Variants in DTWD2 observed in about 807,000 individuals in gnomAD.
DTWD2 encodes the protein tRNA-uridine aminocarboxypropyltransferase 2.
In DTWD2, 39 loss-of-function variants were observed where a neutral mutation model predicts 31.8. That is an observed-to-expected ratio of 1.22 (90% CI 0.95 to 1.60). The LOEUF is 1.60. DTWD2 is among the 40% of genes most tolerant of loss of function. The pLI, the probability that DTWD2 is intolerant of heterozygous loss-of-function variation, is 0.00. For missense variants in DTWD2, 515 were observed against 381.5 expected (o/e 1.35, Z -2.92); for synonymous variants, 180 against 142.8 (o/e 1.26, Z -1.86).
intron 4 of DTWD2, among the ~76,000 whole-genome samples, chr5:118,887,211 C>T (rs796911688): frequency 5.9e-5 from 9 of 152,146 alleles, no homozygotes; most frequent in African/African-American, 1.4e-4. Context: ...ATTTAAAATT[C>T]GTGATAAAAA....
chr5:118,974,964 C>T (rs1053306323), intron 1 of DTWD2, among the ~76,000 whole-genome samples: 1 of 152,092 alleles, frequency 6.6e-6, no homozygotes, highest in African/African-American at 2.4e-5. Context: ...ACATTTTTTC[C>T]TTCATTTCAA....
intron 1 of DTWD2, among the ~76,000 whole-genome samples, chr5:118,972,021 T>C (rs1754998535): frequency 6.6e-6 from 1 of 152,014 alleles, no homozygotes; most frequent in African/African-American, 2.4e-5. Flanking sequence ...AAAAAGCTAG[T>C]AAGATCTCAA....
chr5:118,937,408 C>G (rs1159715270), intron 3 of DTWD2, among the ~76,000 whole-genome samples: 4 of 149,778 alleles, frequency 2.7e-5, no homozygotes, highest in Non-Finnish European at 5.9e-5. Context: ...AACCATAAAA[C>G]TATTGTTATA....
At chr5:118,860,957 G>C (rs1475642134) in intron 4 of DTWD2, among the ~76,000 whole-genome samples, 1 of 151,910 alleles carries the variant, frequency 6.6e-6, no homozygotes, top group Non-Finnish European at 1.5e-5. Context: ...TCCATTTTGG[G>C]GTAAGCTAAG....
intron 1 of DTWD2, among the ~76,000 whole-genome samples, chr5:118,985,313 C>A (rs1425382847): frequency 6.6e-6 from 1 of 151,850 alleles, no homozygotes; most frequent in Non-Finnish European, 1.5e-5. Context: ...GTCCTTCAGT[C>A]TCAGCTTACA....
chr5:118,914,987 G>A (rs2149572427), intron 4 of DTWD2, among the ~76,000 whole-genome samples: 1 of 152,282 alleles, frequency 6.6e-6, no homozygotes, highest in South Asian at 2.1e-4. Context: ...AGCACTGTGG[G>A]AGGCTAAGGT....
At chr5:118,960,240 C>CA (rs915881098) in intron 1 of DTWD2, among the ~76,000 whole-genome samples, 11 of 150,884 alleles carry the variant, frequency 7.3e-5, no homozygotes, top group South Asian at 6.3e-4. Context: ...AATCTACAAG[C>CA]AAAAAAAACC....
chr5:118,933,711 T>C (rs114138532), intron 3 of DTWD2, among the ~76,000 whole-genome samples: 11,774 of 152,060 alleles, frequency 0.077, 905 homozygotes, highest in African/African-American at 0.2. Flanking sequence ...AATTGTTCTC[T>C]AAGACTGAGA....
At chr5:118,872,436 A>C (rs1752526222) in intron 4 of DTWD2, among the ~76,000 whole-genome samples, 1 of 152,128 alleles carries the variant, frequency 6.6e-6, no homozygotes. Context: ...GTGACATGTG[A>C]CTCTTCCTTT....
At chr5:118,893,406 CGTGT>C (rs528403320) in intron 4 of DTWD2, among the ~76,000 whole-genome samples, 1 of 143,280 alleles carries the variant, frequency 7.0e-6, no homozygotes. Flanking sequence ...TAAATGTATA[CGTGT>C]GTGTGTGTGT....
intron 4 of DTWD2, among the ~76,000 whole-genome samples, chr5:118,916,415 C>CA (rs745337305): frequency 3.9e-5 from 6 of 152,122 alleles, no homozygotes; most frequent in Non-Finnish European, 5.9e-5. Context: ...TCTGTGATCC[C>CA]AGCACTTTGG....
intron 4 of DTWD2, among the ~76,000 whole-genome samples, chr5:118,898,369 AT>A (rs1021423890): frequency 3.3e-5 from 5 of 152,084 alleles, no homozygotes; most frequent in African/African-American, 1.2e-4. Context: ...GAGAAGATAA[AT>A]TTTATGGCCG....
intron 1 of DTWD2, among the ~76,000 whole-genome samples, chr5:118,965,282 C>A (rs1263412059): frequency 6.6e-6 from 1 of 151,160 alleles, no homozygotes; most frequent in Non-Finnish European, 1.5e-5. Context: ...AGCCCCCGCC[C>A]GGCCAGCCTC....
At position 118,987,135 on chromosome 5, in the gene DTWD2, T is replaced by C. The variant is rs75595303; in HGVS notation, c.218+1159A>G. 2.6e-3 allele frequency among the ~76,000 whole-genome samples: 399 copies of C among 152,284 alleles called. 3 individuals are homozygous for C. The highest frequency in any genetic ancestry group is 8.2e-3 in the African/African-American group (342 of 41,560). On this transcript the variant is annotated intron_variant, in intron 1 of 5. Coordinates refer to ENST00000510708, the MANE Select transcript of DTWD2 (RefSeq NM_173666.4). ...TATATTTGAAACACTTTTCCTCCAG[T>C]ATCCTATTGAGACCCCTCCAAACAT...
At chr5:118,912,963 A>C (rs1035291813) in intron 4 of DTWD2, among the ~76,000 whole-genome samples, 18 of 152,330 alleles carry the variant, frequency 1.2e-4, no homozygotes, top group Admixed American at 8.5e-4. Flanking sequence ...AATTTGATCC[A>C]CAACGAAAGT....
intron 5 of DTWD2, among the ~76,000 whole-genome samples, chr5:118,844,768 T>G (rs1165708450): frequency 6.6e-6 from 1 of 152,146 alleles, no homozygotes; most frequent in Non-Finnish European, 1.5e-5. Context: ...GACAACAGAT[T>G]AACAAAGCTA....
chr5:118,971,165 T>A (rs773025418), intron 1 of DTWD2, among the ~76,000 whole-genome samples: 2 of 152,174 alleles, frequency 1.3e-5, no homozygotes, highest in African/African-American at 4.8e-5. Context: ...ATGGCCTAAA[T>A]GCCCTAACTA....
chr5:118,854,335 A>C (rs1752081694), intron 4 of DTWD2, among the ~76,000 whole-genome samples: 2 of 152,052 alleles, frequency 1.3e-5, no homozygotes, highest in South Asian at 4.1e-4. Context: ...TTTTTTAATA[A>C]TGCAAAATCT....
intron 4 of DTWD2, among the ~76,000 whole-genome samples, chr5:118,913,234 G>T (rs1183972666): frequency 6.6e-6 from 1 of 151,818 alleles, no homozygotes; most frequent in Non-Finnish European, 1.5e-5. Flanking sequence ...TGGCTCATTA[G>T]GGAAGGGTGA....
Sources: allele counts gnomAD v4.1 joint callset (sites outside exome capture counted in the v4.1 genomes callset), GRCh38; gene constraint gnomAD v4.1.1; transcripts MANE v1.5; gene names NCBI Gene and HGNC (gene_info 2026-07-23, HGNC 2026-07-21).